PACS1: variants seen among roughly 807,000 people sequenced by gnomAD.
PACS1 encodes the protein phosphofurin acidic cluster sorting protein 1.
Under a neutral mutation model 115.0 loss-of-function variants are expected in PACS1, and 24 were observed. The ratio of observed to expected loss-of-function variants is 0.21; its 90% CI spans 0.15 to 0.29. PACS1 has a LOEUF of 0.29. Among genes scored for constraint, PACS1 ranks in the 10% least tolerant of loss-of-function variants. The pLI is 1.00. For missense variants in PACS1, 838 were observed against 1,251.2 expected, an observed-to-expected ratio of 0.67 and a Z score of 4.98; for synonymous variants, 453 against 504.5, an observed-to-expected ratio of 0.90 and a Z score of 1.37.
chr11:66,129,011 C>G (rs558078892), intron 1 of PACS1, among the ~76,000 whole-genome samples: 49 of 152,196 alleles, frequency 3.2e-4, no homozygotes, highest in African/African-American at 1.1e-3. Flanking sequence ...TGGGAATGAT[C>G]TGCGTCTTGG....
intron 1 of PACS1, among the ~76,000 whole-genome samples, chr11:66,144,665 G>A (rs115005746): frequency 0.015 from 2,312 of 152,214 alleles, 62 homozygotes; most frequent in African/African-American, 0.052. Context: ...GATGGATCTC[G>A]CTCTGTGGCC....
At chr11:66,094,153 A>T (rs1470456826) in intron 1 of PACS1, among the ~76,000 whole-genome samples, 1 of 150,700 alleles carries the variant, frequency 6.6e-6, no homozygotes, top group African/African-American at 2.4e-5. Flanking sequence ...AAGCAAGAGC[A>T]AACACATTCA....
At chr11:66,089,595 T>A (rs1857623824) in intron 1 of PACS1, among the ~76,000 whole-genome samples, 3 of 152,182 alleles carry the variant, frequency 2.0e-5, no homozygotes, top group South Asian at 4.1e-4. Context: ...CTTTTGCAGC[T>A]CAATCTTCTC....
At chr11:66,128,023 A>G (rs138783073) in intron 1 of PACS1, among the ~76,000 whole-genome samples, 1 of 152,342 alleles carries the variant, frequency 6.6e-6, no homozygotes, top group East Asian at 1.9e-4. Flanking sequence ...GCAAATTCCA[A>G]ACTGCATTAT....
rs549002993 is a variant in PACS1 at position 66,150,328 on chromosome 11, C to G, written c.357-43158C>G. ...CCGAAACAAAGAGCTCTAGCTTTTC[C>G]CATCTTCTCCAGTTACTAAATGTAG... On this transcript the variant is annotated intron_variant, in intron 1 of 23. Transcript: ENST00000320580. Among the ~76,000 whole-genome samples the G allele has an allele frequency of 3.5e-4, 54 of 152,254 alleles. 1 individual carries two copies. The South Asian group carries it at 4.8e-3, about 13-fold the overall frequency.
intron 1 of PACS1, among the ~76,000 whole-genome samples, chr11:66,136,906 G>A (rs987512761): frequency 1.3e-5 from 2 of 152,034 alleles, no homozygotes; most frequent in African/African-American, 2.4e-5. Flanking sequence ...CCCGGCCTCC[G>A]TAGGCTCTCC....
chr11:66,149,278 G>A (rs1051999284), intron 1 of PACS1, among the ~76,000 whole-genome samples: 3 of 151,794 alleles, frequency 2.0e-5, no homozygotes, highest in African/African-American at 7.3e-5. Flanking sequence ...TTTTAGTAGA[G>A]ACAGGTTTTC....
At chr11:66,227,393 ATG>A (rs1855488796) in intron 10 of PACS1, 109 bp from the exon 11 acceptor site, 1 of 659,874 alleles carries the variant, frequency 1.5e-6, no homozygotes, top group Non-Finnish European at 2.7e-6. Context: ...TGAAGATTTT[ATG>A]AGGTTTGAGA....
Position 66,216,276 on chromosome 11 carries a change from CAGCATCTGGAG to C in PACS1, c.805+15_805+25del. The C allele has an allele frequency of 6.2e-7, 1 of 1,613,724 alleles. No homozygotes were observed. Among genetic ancestry groups the C allele is most frequent in the Non-Finnish European group, 8.5e-7 (1 of 1,179,790 alleles). ...TCCAAGCTTTCTGGTAAGAAGCATG[CAGCATCTGGAG>C]ACCCTACGAAGAGGGAGCCCATCCT... On this transcript the variant is annotated intron_variant, in intron 5 of 23. Coordinates refer to ENST00000320580, the MANE Select transcript of PACS1 (RefSeq NM_018026.4).
Position 66,079,692 on chromosome 11 carries a change from C to T in PACS1, c.356+8850C>T, listed in dbSNP as rs183907405. 1.5e-3 allele frequency among the ~76,000 whole-genome samples: 221 copies of T among 152,202 alleles called. 1 individual carries two copies. Among genetic ancestry groups the T allele is most frequent in the Non-Finnish European group, 2.2e-3 (147 of 68,018 alleles). Reference sequence around the variant, plus strand: ...AGCTTATAGACCAGCTGATATGTGCCGCAAGCAAAATCCTTGATCTCATGA... The same window carrying T: ...AGCTTATAGACCAGCTGATATGTGCTGCAAGCAAAATCCTTGATCTCATGA... On this transcript the variant is annotated intron_variant, in intron 1 of 23. Coordinates refer to ENST00000320580, the MANE Select transcript of PACS1 (RefSeq NM_018026.4).
In PACS1 at chr11:66,213,850, G is replaced by A. The variant is rs534875675; in HGVS notation, c.661-2269G>A. Among the ~76,000 whole-genome samples the A allele has an allele frequency of 1.2e-4, 18 of 152,080 alleles. No individual in the cohort carries two copies. In the East Asian group the frequency reaches 1.4e-3, roughly 11 times the overall value. ...AGATCGAAACCATCCTGGCTAACAC[G>A]GTGAAACCCCATCTCTACTAAAAAT... On this transcript the variant is annotated intron_variant, in intron 4 of 23. Coordinates refer to ENST00000320580, the MANE Select transcript of PACS1 (RefSeq NM_018026.4).
At chr11:66,168,258 G>T (rs1021616038) in intron 1 of PACS1, among the ~76,000 whole-genome samples, 1 of 150,416 alleles carries the variant, frequency 6.6e-6, no homozygotes, top group Non-Finnish European at 1.5e-5. Context: ...TTGGAATTTT[G>T]ATCGGTGTTG....
At chr11:66,086,052 A>T (rs1399253717) in intron 1 of PACS1, among the ~76,000 whole-genome samples, 1 of 152,090 alleles carries the variant, frequency 6.6e-6, no homozygotes, top group Non-Finnish European at 1.5e-5. Context: ...AAAACAAAGT[A>T]TAATCTTTCC....
chr11:66,107,700 A>G (rs1048409174), intron 1 of PACS1, among the ~76,000 whole-genome samples: 1 of 152,218 alleles, frequency 6.6e-6, no homozygotes, highest in South Asian at 2.1e-4. Context: ...TTTAATGAAC[A>G]AGGACAAAAA....
At chr11:66,078,243 C>T (rs559382919) in intron 1 of PACS1, among the ~76,000 whole-genome samples, 6 of 152,220 alleles carry the variant, frequency 3.9e-5, no homozygotes, top group African/African-American at 7.2e-5. Flanking sequence ...GAACTGTATG[C>T]GTCTTAGAAA....
intron 1 of PACS1, among the ~76,000 whole-genome samples, chr11:66,124,922 G>A (rs572561974): frequency 1.1e-4 from 17 of 152,252 alleles, no homozygotes; most frequent in African/African-American, 3.4e-4. Context: ...AGGCTTGCCC[G>A]CTGGCTCCCC....
At chr11:66,176,896 T>C (rs1859877969) in intron 1 of PACS1, among the ~76,000 whole-genome samples, 2 of 152,218 alleles carry the variant, frequency 1.3e-5, no homozygotes, top group Non-Finnish European at 2.9e-5. Context: ...GACACTCCTT[T>C]GCATTCCATA....
rs1365377933 is a variant in PACS1, at chr11:66,216,756, C to T, written c.959C>T (p.Ser320Leu). Reference sequence around the variant, plus strand: ...AAGAAGACCCGGAGGAAACTAACCTCAACCTCTGCCATCACAAGGGTGAGC... The same window carrying T: ...AAGAAGACCCGGAGGAAACTAACCTTAACCTCTGCCATCACAAGGGTGAGC... Reference protein sequence around the residue: ...KVKKTRRKLTSTSAITRQPNI... With the variant: ...KVKKTRRKLTLTSAITRQPNI... Residue 320 changes from serine to leucine, a missense_variant, in exon 7 of 24, where the codon TCA becomes TTA. By Grantham distance (145) the Ser-to-Leu change is moderately radical (BLOSUM62 -2). Around this residue, in one of 6 missense-constraint regions of PACS1, gnomAD observed 223 missense variants for 354.0 expected, o/e 0.63. Transcript: ENST00000320580. The T allele has an allele frequency of 6.2e-7, 1 of 1,613,586 alleles. No homozygotes were observed. Among genetic ancestry groups the T allele is most frequent in the Non-Finnish European group, 8.5e-7 (1 of 1,179,732 alleles).
chr11:66,154,811 G>A (rs916218949), intron 1 of PACS1, among the ~76,000 whole-genome samples: 1 of 152,076 alleles, frequency 6.6e-6, no homozygotes, highest in African/African-American at 2.4e-5. Flanking sequence ...GCGTATTTTT[G>A]TTGTAGAAAT....
Sources: allele counts gnomAD v4.1 joint callset (sites outside exome capture counted in the v4.1 genomes callset), GRCh38; gene constraint gnomAD v4.1.1; regional missense constraint gnomAD v4.1.1; transcripts MANE v1.5; gene names NCBI Gene and HGNC (gene_info 2026-07-23, HGNC 2026-07-21).